MICU3: variants seen among roughly 807,000 people sequenced by gnomAD.
The protein encoded by MICU3 is calcium uptake protein 3, mitochondrial.
Under a neutral mutation model 66.5 loss-of-function variants are expected in MICU3, and 62 were observed. The ratio of observed to expected loss-of-function variants is 0.93; its 90% CI spans 0.76 to 1.15. MICU3 has a LOEUF of 1.15. MICU3 is among the 50% of genes most tolerant of loss of function. MICU3 has a pLI of 0.00. For synonymous variants in MICU3, 308 were observed against 240.7 expected, an observed-to-expected ratio of 1.28 and a Z score of -2.59; for missense variants, 779 against 664.4, an observed-to-expected ratio of 1.17 and a Z score of -1.90.
chr8:17,069,343 A>G (rs1819192841), intron 2 of MICU3, among the ~76,000 whole-genome samples: 1 of 152,106 alleles, frequency 6.6e-6, no homozygotes, highest in Admixed American at 6.6e-5. Context: ...TAGTTTGAAT[A>G]TTTTATAAGT....
chr8:17,109,526 C>A (rs1802018833), intron 11 of MICU3, among the ~76,000 whole-genome samples: 1 of 151,968 alleles, frequency 6.6e-6, no homozygotes, highest in Admixed American at 6.6e-5. Context: ...TTTACTAGTG[C>A]AGAACTATCT....
intron 7 of MICU3, among the ~76,000 whole-genome samples, chr8:17,089,860 T>A (rs909162388): frequency 3.9e-5 from 6 of 152,076 alleles, no homozygotes; most frequent in Admixed American, 3.3e-4. Context: ...TGTAGCTACT[T>A]TAAACTGAAT....
intron 3 of MICU3, among the ~76,000 whole-genome samples, chr8:17,074,702 A>G (rs1820121084): frequency 6.6e-6 from 1 of 151,434 alleles, no homozygotes; most frequent in Non-Finnish European, 1.5e-5. Context: ...CTGGATTACA[A>G]TTAGTTTTTA....
At chr8:17,032,636 T>C (rs1372300412) in intron 1 of MICU3, among the ~76,000 whole-genome samples, 1 of 152,230 alleles carries the variant, frequency 6.6e-6, no homozygotes, top group Non-Finnish European at 1.5e-5. Flanking sequence ...CAAGGCAGCA[T>C]ATCTTGAGAT....
At chr8:17,069,483 C>A (rs774032453) in intron 2 of MICU3, among the ~76,000 whole-genome samples, 3 of 151,988 alleles carry the variant, frequency 2.0e-5, no homozygotes, top group Non-Finnish European at 4.4e-5. Context: ...CTGATACTTA[C>A]TATGAACAGT....
chr8:17,113,172 G>A (rs1802361417), intron 11 of MICU3, among the ~76,000 whole-genome samples: 1 of 152,114 alleles, frequency 6.6e-6, no homozygotes, highest in Non-Finnish European at 1.5e-5. Context: ...AGATCCCTGT[G>A]GGGCTTTCCC....
chr8:17,131,920 C>T, the MICU3 span: 3 of 152,148 alleles, frequency 2.0e-5, no homozygotes, highest in Non-Finnish European at 2.9e-5. Flanking sequence ...CATCAATAAA[C>T]AGCATAGTCT....
chr8:17,045,089 T>C (rs376386549), intron 1 of MICU3, among the ~76,000 whole-genome samples: 2 of 152,226 alleles, frequency 1.3e-5, no homozygotes, highest in South Asian at 4.2e-4. Context: ...ATCGGAGGTA[T>C]CTGCTAGTCT....
chr8:17,124,442 G>A (rs1214914229), downstream of MICU3, among the ~76,000 whole-genome samples: 2 of 152,020 alleles, frequency 1.3e-5, no homozygotes, highest in African/African-American at 4.8e-5. Context: ...ATTTAAATAT[G>A]TAAGGTAATA....
At chr8:17,093,866 T>G (rs1800360611) in intron 8 of MICU3, among the ~76,000 whole-genome samples, 1 of 151,980 alleles carries the variant, frequency 6.6e-6, no homozygotes, top group Admixed American at 6.6e-5. Flanking sequence ...TAAAATATAT[T>G]TTAGTTCAGA....
rs76924829 is a variant in MICU3 at position 17,048,014 on chromosome 8, G to A, written c.382-16070G>A. Among the ~76,000 whole-genome samples, 15 of 152,300 alleles carry A rather than the reference G, an allele frequency of 9.8e-5. No individual in the cohort carries two copies. The East Asian group carries it at 2.9e-3, about 29-fold the overall frequency. ...ACTGATACGCAAGATAGTGGGCCAT[G>A]ACGAGTTAAAGTGTTTCATGGGGGA... On this transcript the variant is annotated intron_variant, in intron 1 of 14. Coordinates refer to ENST00000318063, the MANE Select transcript of MICU3 (RefSeq NM_181723.3).
At chr8:17,079,054 T>G (rs944974579) in intron 4 of MICU3, among the ~76,000 whole-genome samples, 1 of 152,122 alleles carries the variant, frequency 6.6e-6, no homozygotes, top group South Asian at 2.1e-4. Context: ...AAATAATGCA[T>G]AGAAGAAAGA....
At chr8:17,027,715 G>A in intron 1 of MICU3, 55 bp downstream of exon 1, 1 of 1,263,600 alleles carries the variant, frequency 7.9e-7, no homozygotes, top group Non-Finnish European at 9.9e-7. Flanking sequence ...TTCGTGCCGG[G>A]TACGCAGGAC....
intron 1 of MICU3, among the ~76,000 whole-genome samples, chr8:17,040,488 A>G (rs962655698): frequency 3.3e-5 from 5 of 152,206 alleles, no homozygotes; most frequent in Non-Finnish European, 7.3e-5. Context: ...GGGGAAAATA[A>G]TAGATGTCTG....
chr8:17,107,326 G>C (rs1585532701), intron 11 of MICU3, among the ~76,000 whole-genome samples: 1 of 152,092 alleles, frequency 6.6e-6, no homozygotes, highest in South Asian at 2.1e-4. Flanking sequence ...CGAAGTTCTG[G>C]GTAAAGTCTT....
intron 7 of MICU3, among the ~76,000 whole-genome samples, chr8:17,089,297 T>A (rs566160616): frequency 4.5e-4 from 69 of 152,174 alleles, no homozygotes; most frequent in African/African-American, 1.6e-3. Context: ...GTCATTACTG[T>A]GTTTAGCAAT....
chr8:17,071,431 C>T (rs993424299), intron 3 of MICU3, among the ~76,000 whole-genome samples: 3 of 151,998 alleles, frequency 2.0e-5, no homozygotes, highest in Non-Finnish European at 2.9e-5. Flanking sequence ...CTTATAAGGA[C>T]GTCAGTCATA....
At chr8:17,099,224 GTTTC>G (rs1439673188) in intron 9 of MICU3, among the ~76,000 whole-genome samples, 1 of 151,674 alleles carries the variant, frequency 6.6e-6, no homozygotes, top group Non-Finnish European at 1.5e-5. Flanking sequence ...ACTGTTTTGT[GTTTC>G]TTATTAAGAA....
chr8:17,097,833 T>G (rs1800875441), intron 8 of MICU3, among the ~76,000 whole-genome samples: 2 of 151,900 alleles, frequency 1.3e-5, no homozygotes, highest in Admixed American at 1.3e-4. Context: ...CAGACTACCC[T>G]GTTCTCAGAA....
Sources: allele counts gnomAD v4.1 joint callset (sites outside exome capture counted in the v4.1 genomes callset), GRCh38; gene constraint gnomAD v4.1.1; transcripts MANE v1.5; gene names NCBI Gene and HGNC (gene_info 2026-07-23, HGNC 2026-07-21).